The following SMG7 variants were observed in gnomAD, a reference collection of about 807,000 sequenced individuals.
SMG7 encodes nonsense-mediated mRNA decay factor SMG7.
Under a neutral mutation model 148.2 loss-of-function variants are expected in SMG7, and 34 were observed. That is an observed-to-expected ratio of 0.23 (90% CI 0.17 to 0.31). The LOEUF is 0.31. Among genes scored for constraint, SMG7 ranks in the 10% least tolerant of loss-of-function variants. SMG7 has a pLI of 1.00. For synonymous variants in SMG7, 492 were observed against 515.1 expected (o/e 0.96, Z 0.61); for missense variants, 1,114 against 1,408.4 (o/e 0.79, Z 3.35).
At chr1:183,519,844 T>TA (rs1468908378) in intron 4 of SMG7, among the ~76,000 whole-genome samples, 1 of 152,178 alleles carries the variant, frequency 6.6e-6, no homozygotes, top group Non-Finnish European at 1.5e-5. Context: ...AATACTGTAT[T>TA]ATTTCCTGAG....
rs148908417 is a variant in SMG7 at position 183,498,534 on chromosome 1, T to C, written c.30-14303T>C. Among the ~76,000 whole-genome samples, 15 of 152,364 alleles carry C rather than the reference T, an allele frequency of 9.8e-5. No homozygotes were observed. In the East Asian group the frequency reaches 2.9e-3, roughly 29 times the overall value. On this transcript the variant is annotated intron_variant, in intron 1 of 22. Transcript: ENST00000688051. ...AACAAAAAACAAAAAACACTGTTTCTTTTTCCAACCTAATTTTTGTTCACC... is the reference window on the plus strand; with the variant it reads ...AACAAAAAACAAAAAACACTGTTTCCTTTTCCAACCTAATTTTTGTTCACC...
In SMG7 at chr1:183,526,717, G is replaced by A. The variant is rs772071649; in HGVS notation, c.434G>A (p.Ser145Asn). The A allele has an allele frequency of 1.2e-6, 2 of 1,613,658 alleles. No individual in the cohort carries two copies. Among genetic ancestry groups the A allele is most frequent in the Non-Finnish European group, 1.7e-6 (2 of 1,179,814 alleles). The change falls in exon 5 of 23, where the codon AGC becomes AAC. Residue 145 changes from serine (S) to asparagine (N), a missense_variant. Ser to Asn is a conservative substitution (Grantham distance 46). Around this residue, in one of 4 missense-constraint regions of SMG7, gnomAD observed 216 missense variants for 329.1 expected, o/e 0.66. Transcript: ENST00000688051. ...HTSAIVKPQS[S>N]SCSYICQHCL... is the part of the protein sequence containing the mutation. ...AGCGCCATAGTGAAGCCACAGTCTA[G>A]CTCCTGTTCCTATATCTGCCAGCAC...
intron 1 of SMG7, among the ~76,000 whole-genome samples, chr1:183,504,587 C>T (rs1053358708): frequency 5.9e-5 from 9 of 152,188 alleles, no homozygotes; most frequent in Non-Finnish European, 1.0e-4. Flanking sequence ...GATCTGCCTG[C>T]CTCGGCCTCC....
chr1:183,553,795 A>G lies in SMG7; in HGVS notation c.*1864A>G, dbSNP rs984832813. The G allele has an allele frequency of 1.3e-5, 2 of 152,266 alleles. No homozygotes were observed. The highest frequency in any genetic ancestry group is 1.9e-4 in the East Asian group (1 of 5,170). The allele number at this position is 152,266 out of a possible 1,614,324, so 9.4% of individuals were successfully genotyped here. A position where few individuals can be genotyped will look rare whatever the true frequency, so the allele number is the denominator to read the frequency against. On this transcript the variant is annotated 3_prime_UTR_variant, in exon 23 of 23. Coordinates refer to ENST00000688051, the MANE Select transcript of SMG7 (RefSeq NM_001375584.1). ...CCTCTTCCCAAGCCTTTTTCCTACTACCTTTACCCAGTTTGTGTGTTTGAG... is the reference window on the plus strand; with the variant it reads ...CCTCTTCCCAAGCCTTTTTCCTACTGCCTTTACCCAGTTTGTGTGTTTGAG...
chr1:183,526,860 C>A, intron 5 of SMG7, 93 bp downstream of exon 5: 1 of 970,482 alleles, frequency 1.0e-6, no homozygotes, highest in African/African-American at 1.7e-5. Flanking sequence ...GCGGAGCATA[C>A]ACACACAATT....
Position 183,541,020 on chromosome 1 carries a change from A to G in SMG7, c.1332A>G (p.Thr444=), listed in dbSNP as rs1477358809. 4 of 1,613,346 alleles carry G rather than the reference A, an allele frequency of 2.5e-6. No homozygotes were observed. Among genetic ancestry groups the G allele is most frequent in the Non-Finnish European group, 3.4e-6 (4 of 1,179,296 alleles). ...TTTCCAAAGGTCACCAGGGTATTAC[A>G]GGGGACAAAGAAGGCCAGCAACGAC... ...LDFSKGHQGI[T]GDKEGQQRRI... The change falls in exon 13 of 23, where the codon ACA becomes ACG. Residue 444 remains threonine, a synonymous_variant. Transcript: ENST00000688051.
In SMG7 at chr1:183,544,361, C is replaced by G. The variant is rs1237930673; in HGVS notation, c.1851C>G (p.Ser617=). ...GKQNVAVQVK[S]QTELRKTPVS... ...GCTTCTATTGGTTACAGGTAAAATC[C>G]CAGACAGAACTAAGAAAGACTCCAG... The change falls in exon 15 of 23, where the codon TCC becomes TCG. Residue 617 remains serine, a synonymous_variant. Coordinates refer to ENST00000688051, the MANE Select transcript of SMG7 (RefSeq NM_001375584.1). 1.2e-6 allele frequency: 2 copies of G among 1,613,394 alleles called. No homozygotes were observed. Among genetic ancestry groups the G allele is most frequent in the Non-Finnish European group, 1.7e-6 (2 of 1,179,626 alleles).
intron 18 of SMG7, among the ~76,000 whole-genome samples, chr1:183,547,504 G>A (rs1670129016): frequency 6.6e-6 from 1 of 152,206 alleles, no homozygotes; most frequent in Non-Finnish European, 1.5e-5. Context: ...GCATTCTGCA[G>A]AGCTGGTCAC....
chr1:183,530,865 G>A (rs906457195), intron 8 of SMG7, among the ~76,000 whole-genome samples: 1 of 151,432 alleles, frequency 6.6e-6, no homozygotes, highest in Non-Finnish European at 1.5e-5. Flanking sequence ...TGGTGGTGGT[G>A]GGTGGTCCCT....
Position 183,553,270 on chromosome 1 carries a change from G to A in SMG7, c.*1339G>A, listed in dbSNP as rs1198833184. ...GTTCTTGTGTAGAAACAGAAGGACAGCATTTCTGTTAGTCATTTCCTGGAA... is the reference window on the plus strand; with the variant it reads ...GTTCTTGTGTAGAAACAGAAGGACAACATTTCTGTTAGTCATTTCCTGGAA... On this transcript the variant is annotated 3_prime_UTR_variant, in exon 23 of 23. Transcript: ENST00000688051. The A allele has an allele frequency of 9.4e-6, 13 of 1,381,240 alleles. No homozygotes were observed. The African/African-American group carries it at 1.9e-4, about 20-fold the overall frequency. The allele number at this position is 1,381,240 out of a possible 1,614,324, so 85.6% of individuals were successfully genotyped here.
chr1:183,488,225 A>G (rs1655983237), intron 1 of SMG7, among the ~76,000 whole-genome samples: 1 of 152,212 alleles, frequency 6.6e-6, no homozygotes, highest in Non-Finnish European at 1.5e-5. Context: ...GAAGGTGGGT[A>G]GGTTTTGAGG....
rs1316218555 is a variant in SMG7 at position 183,545,131 on chromosome 1, A to G, written c.2189A>G (p.Asn730Ser). 3.1e-6 allele frequency: 5 copies of G among 1,613,954 alleles called. No individual in the cohort carries two copies. The highest frequency in any genetic ancestry group is 4.2e-6 in the Non-Finnish European group (5 of 1,180,016). The change falls in exon 16 of 23, where the codon AAC becomes AGC. Residue 730 changes from asparagine (N) to serine (S), a missense_variant. This residue lies in a region of SMG7 where 788 missense variants were observed against 894.5 expected (regional missense o/e 0.88). Transcript: ENST00000688051. The part of the protein sequence containing the change: ...QQRPSGPGPM[N>S]QGPQQSQPPS... ...CGGCCCTCTGGACCAGGGCCAATGA[A>G]CCAGGGACCTCAACAATCACAGCCA...
At position 183,553,508 on chromosome 1, in the gene SMG7, A is replaced by C; in HGVS notation, c.*1577A>C. 1 of 294,508 alleles carries C rather than the reference A, an allele frequency of 3.4e-6. No individual in the cohort carries two copies. The highest frequency in any genetic ancestry group is 6.5e-6 in the Non-Finnish European group (1 of 153,872). 18.2% of individuals were successfully genotyped at this position (294,508 alleles called of 1,614,324 possible). On this transcript the variant is annotated 3_prime_UTR_variant, in exon 23 of 23. Coordinates refer to ENST00000688051, the MANE Select transcript of SMG7 (RefSeq NM_001375584.1). ...AGAGCTGGAAGACAGCTGTAGAGCAAAGCACATCCAGGAGCCCCAGTTGTC... is the reference window on the plus strand; with the variant it reads ...AGAGCTGGAAGACAGCTGTAGAGCACAGCACATCCAGGAGCCCCAGTTGTC...
intron 3 of SMG7, among the ~76,000 whole-genome samples, chr1:183,516,408 C>T (rs1663546959): frequency 6.6e-6 from 1 of 152,098 alleles, no homozygotes; most frequent in Non-Finnish European, 1.5e-5. Context: ...AATGTATTTG[C>T]ATTGTAAGGA....
chr1:183,519,651 AAG>A (rs1664320726), intron 4 of SMG7, among the ~76,000 whole-genome samples: 1 of 152,132 alleles, frequency 6.6e-6, no homozygotes, highest in Non-Finnish European at 1.5e-5. Context: ...AAGTCCCAAA[AAG>A]TTCATTAATC....
intron 1 of SMG7, among the ~76,000 whole-genome samples, chr1:183,511,101 A>G (rs1214846780): frequency 2.0e-5 from 3 of 151,980 alleles, no homozygotes. Context: ...GTTGAAGACC[A>G]TCCTGGGCAA....
chr1:183,488,038 C>T (rs1439485900), intron 1 of SMG7, among the ~76,000 whole-genome samples: 6 of 152,188 alleles, frequency 3.9e-5, no homozygotes, highest in African/African-American at 9.7e-5. Flanking sequence ...AGTGGAAAGC[C>T]GTGTTCATAT....
chr1:183,503,733 C>A (rs530988250), intron 1 of SMG7, among the ~76,000 whole-genome samples: 1 of 152,280 alleles, frequency 6.6e-6, no homozygotes, highest in East Asian at 1.9e-4. Context: ...CAGATTACCC[C>A]TCCTTATTCA....
intron 3 of SMG7, among the ~76,000 whole-genome samples, chr1:183,516,762 C>T (rs543882336): frequency 1.1e-4 from 16 of 152,256 alleles, no homozygotes; most frequent in African/African-American, 3.6e-4. Flanking sequence ...AAATTACGAC[C>T]ATCAAAATCC....
Sources: gnomAD v4.1 joint callset for allele counts (sites outside exome capture counted in the v4.1 genomes callset) on GRCh38, gnomAD v4.1.1 for gene constraint, gnomAD v4.1.1 regional missense constraint, MANE v1.5 for transcripts, NCBI Gene and HGNC (gene_info 2026-07-23, HGNC 2026-07-21) for gene names.